The following TSPAN18 variants were observed in gnomAD, a reference collection of about 807,000 sequenced individuals.
TSPAN18 encodes the protein tetraspanin 18.
A neutral mutation model predicts 27.3 loss-of-function variants in TSPAN18; 14 were observed. That is an observed-to-expected ratio of 0.51 (90% CI 0.34 to 0.80). The LOEUF (loss-of-function observed/expected upper bound fraction) is 0.80. Among genes scored for constraint, TSPAN18 ranks in the 30% least tolerant of loss-of-function variants. TSPAN18 has a pLI of 0.01. For synonymous variants in TSPAN18, 143 were observed against 136.5 expected (o/e 1.05, Z -0.33); for missense variants, 268 against 323.9 (o/e 0.83, Z 1.32).
chr11:44,760,314 A>G (rs1444621542), intron 1 of TSPAN18, among the ~76,000 whole-genome samples: 1 of 152,182 alleles, frequency 6.6e-6, no homozygotes, highest in African/African-American at 2.4e-5. Context: ...CGTGTGCAGC[A>G]AGCAGACAAC....
rs1414330310 is a variant in TSPAN18 at position 44,929,229 on chromosome 11, C to T, written c.*51C>T. The stretch of plus-strand genomic sequence containing the variant: ...TCGCCCCACCCACCACTGCCCAGCA[C>T]CCAGTGTCCTCCCGTGCCCCTCCCC... On this transcript the variant is annotated 3_prime_UTR_variant, in exon 10 of 10. Coordinates refer to ENST00000520358, the MANE Select transcript of TSPAN18 (RefSeq NM_130783.5). The T allele has an allele frequency of 6.2e-7, 1 of 1,610,980 alleles. No homozygotes were observed. The highest frequency in any genetic ancestry group is 8.5e-7 in the Non-Finnish European group (1 of 1,178,360).
intron 3 of TSPAN18, among the ~76,000 whole-genome samples, chr11:44,862,782 C>T (rs1241379290): frequency 6.6e-6 from 1 of 152,188 alleles, no homozygotes; most frequent in Non-Finnish European, 1.5e-5. Context: ...CTTTCCACAG[C>T]ATTTTGTAAA....
intron 2 of TSPAN18, among the ~76,000 whole-genome samples, chr11:44,794,731 A>G (rs1590481084): frequency 6.6e-6 from 1 of 152,010 alleles, no homozygotes; most frequent in Non-Finnish European, 1.5e-5. Flanking sequence ...TTCTGGTCCT[A>G]TCAGCAGCTG....
intron 1 of TSPAN18, among the ~76,000 whole-genome samples, chr11:44,731,631 T>TGAGAGAGAGA (rs1168288636): frequency 8.3e-5 from 5 of 60,502 alleles, no homozygotes; most frequent in African/African-American, 2.3e-4. Context: ...TGTGTGTGTG[T>TGAGAGAGAGA]GTGAGAGAGA....
chr11:44,765,093 C>T (rs988540169), intron 2 of TSPAN18, among the ~76,000 whole-genome samples: 1 of 152,112 alleles, frequency 6.6e-6, no homozygotes, highest in South Asian at 2.1e-4. Context: ...GGCTGGGTGG[C>T]CTCATGGAAG....
intron 1 of TSPAN18, among the ~76,000 whole-genome samples, chr11:44,737,266 C>T (rs1038092463): frequency 6.6e-6 from 1 of 152,138 alleles, no homozygotes; most frequent in African/African-American, 2.4e-5. Flanking sequence ...CCTCATGGAC[C>T]CAAAGGACAA....
intron 2 of TSPAN18, among the ~76,000 whole-genome samples, chr11:44,849,846 C>T (rs1003848276): frequency 2.0e-5 from 3 of 152,178 alleles, no homozygotes; most frequent in Non-Finnish European, 4.4e-5. Context: ...CCACATAGGG[C>T]CCACAGGGTT....
chr11:44,739,186 A>T (rs2134816354), intron 1 of TSPAN18, among the ~76,000 whole-genome samples: 1 of 152,236 alleles, frequency 6.6e-6, no homozygotes, highest in African/African-American at 2.4e-5. Context: ...TTCTGCACCT[A>T]GGCTGTGAGG....
chr11:44,882,583 G>GACAC (rs1430057154), intron 3 of TSPAN18, among the ~76,000 whole-genome samples: 15 of 59,282 alleles, frequency 2.5e-4, no homozygotes, highest in South Asian at 1.9e-3. Context: ...TGGTCAGAGA[G>GACAC]AGAGACACAC....
chr11:44,903,342 C>T (rs576919542), intron 3 of TSPAN18: 13 of 445,186 alleles, frequency 2.9e-5, no homozygotes, highest in Non-Finnish European at 5.4e-5. Context: ...ACCAAGTAAG[C>T]GTCAGGGACA....
At chr11:44,846,606 T>TG (rs576341145) in intron 2 of TSPAN18, among the ~76,000 whole-genome samples, 3 of 151,116 alleles carry the variant, frequency 2.0e-5, no homozygotes, top group Admixed American at 6.6e-5. Flanking sequence ...GTGTGTGTGT[T>TG]TGTGTGTGTG....
At chr11:44,787,069 G>A (rs1856076199) in intron 2 of TSPAN18, among the ~76,000 whole-genome samples, 1 of 152,160 alleles carries the variant, frequency 6.6e-6, no homozygotes, top group African/African-American at 2.4e-5. Context: ...TTGTGGGCTG[G>A]GGACAAGATT....
intron 9 of TSPAN18, among the ~76,000 whole-genome samples, chr11:44,928,797 A>G (rs1392465365): frequency 1.1e-4 from 16 of 152,024 alleles, no homozygotes; most frequent in Admixed American, 9.8e-4. Flanking sequence ...AAAAAGAAAA[A>G]AAAAACTGTG....
chr11:44,808,922 G>T (rs186044750), intron 2 of TSPAN18, among the ~76,000 whole-genome samples: 4 of 152,258 alleles, frequency 2.6e-5, no homozygotes, highest in Non-Finnish European at 5.9e-5. Context: ...CTTGAACTTT[G>T]TGCCTTGACT....
chr11:44,837,360 G>T (rs999585185), intron 2 of TSPAN18, among the ~76,000 whole-genome samples: 1 of 152,152 alleles, frequency 6.6e-6, no homozygotes, highest in Non-Finnish European at 1.5e-5. Flanking sequence ...GGAGGCTGAG[G>T]CTGTGACTGA....
chr11:44,843,629 C>T (rs1190489846), intron 2 of TSPAN18, among the ~76,000 whole-genome samples: 10 of 152,266 alleles, frequency 6.6e-5, no homozygotes, highest in East Asian at 1.9e-4. Context: ...GAGTTTATTT[C>T]GCCTCTGCAA....
chr11:44,828,060 G>T (rs1857080600), intron 2 of TSPAN18, among the ~76,000 whole-genome samples: 2 of 152,172 alleles, frequency 1.3e-5, no homozygotes, highest in Admixed American at 1.3e-4. Context: ...ATGGGCTTTG[G>T]ACCTTATTGT....
chr11:44,890,447 G>T (rs1376595235), intron 3 of TSPAN18, among the ~76,000 whole-genome samples: 1 of 152,214 alleles, frequency 6.6e-6, no homozygotes, highest in Admixed American at 6.5e-5. Context: ...TTCTTGGCCG[G>T]GAGCAATGGC....
At chr11:44,731,282 A>C (rs960825225) in intron 1 of TSPAN18, among the ~76,000 whole-genome samples, 1 of 152,172 alleles carries the variant, frequency 6.6e-6, no homozygotes, top group African/African-American at 2.4e-5. Context: ...TAGAGGCAGC[A>C]GTGCGTGGTG....
Sources: allele counts gnomAD v4.1 joint callset (sites outside exome capture counted in the v4.1 genomes callset), GRCh38; gene constraint gnomAD v4.1.1; transcripts MANE v1.5; gene names NCBI Gene and HGNC (gene_info 2026-07-23, HGNC 2026-07-21).